The following DNAI1 variants were observed in gnomAD, a reference collection of about 807,000 sequenced individuals.
DNAI1 encodes the protein dynein axonemal intermediate chain 1.
DNAI1 carries 67 observed loss-of-function variants against 92.0 expected under a neutral mutation model. That is an observed-to-expected ratio of 0.73 (90% CI 0.60 to 0.89). The LOEUF (loss-of-function observed/expected upper bound fraction) is 0.89, where lower values mean the gene tolerates loss of function less well. DNAI1 is among the 40% of genes least tolerant of loss of function. The pLI is 0.00. For synonymous variants in DNAI1, 323 were observed against 319.6 expected (o/e 1.01, Z -0.11); for missense variants, 839 against 866.6 (o/e 0.97, Z 0.40).
At position 34,506,718 on chromosome 9, in the gene DNAI1, C is replaced by T. The variant is rs549401132; in HGVS notation, c.1155C>T (p.Gly385=). The T allele has an allele frequency of 1.6e-5, 26 of 1,614,188 alleles. No individual in the cohort carries two copies. In the South Asian group the frequency reaches 1.6e-4, roughly 10 times the overall value. Residue 385 remains glycine, a synonymous_variant, in exon 13 of 20, where the codon GGC becomes GGT. Coordinates refer to ENST00000242317, the MANE Select transcript of DNAI1 (RefSeq NM_012144.4). ...AGTACATGTTCAGCAGCAACAGCGG[C>T]GTCATGTGTCTCGACATCCACGTGG... is the stretch of plus-strand genomic sequence containing the variant. The part of the protein sequence containing the change: ...FPEYMFSSNS[G]VMCLDIHVDH...
chr9:34,493,969 A>G (rs1197403883), intron 9 of DNAI1, among the ~76,000 whole-genome samples: 11 of 152,168 alleles, frequency 7.2e-5, no homozygotes, highest in Admixed American at 7.2e-4. Flanking sequence ...ATGCAACTAT[A>G]GGGAGTCACT....
At chr9:34,508,349 G>C (rs986650692) in intron 13 of DNAI1, among the ~76,000 whole-genome samples, 1 of 152,146 alleles carries the variant, frequency 6.6e-6, no homozygotes, top group African/African-American at 2.4e-5. Context: ...GGGGCAGAGG[G>C]TGGGAGGGAG....
intron 1 of DNAI1, among the ~76,000 whole-genome samples, chr9:34,483,233 A>C (rs1438289793): frequency 3.2e-4 from 49 of 152,322 alleles, no homozygotes; most frequent in Admixed American, 3.1e-3. Flanking sequence ...CCCACAGTGC[A>C]GTGGGGGGCT....
chr9:34,507,132 A>C (rs1824950986), intron 13 of DNAI1, among the ~76,000 whole-genome samples: 1 of 152,178 alleles, frequency 6.6e-6, no homozygotes, highest in Non-Finnish European at 1.5e-5. Flanking sequence ...AAGATCTCTT[A>C]GATGTGGCGA....
intron 13 of DNAI1, among the ~76,000 whole-genome samples, chr9:34,508,387 C>T (rs945849860): frequency 5.3e-5 from 8 of 152,148 alleles, no homozygotes; most frequent in Admixed American, 2.0e-4. Flanking sequence ...ACGCCCTCCC[C>T]GGCTACTCTC....
intron 12 of DNAI1, among the ~76,000 whole-genome samples, chr9:34,502,594 G>A (rs1393595874): frequency 1.3e-5 from 2 of 152,136 alleles, no homozygotes; most frequent in African/African-American, 2.4e-5. Context: ...GGAGGCTGTC[G>A]TGGGGGCTGG....
intron 2 of DNAI1, among the ~76,000 whole-genome samples, chr9:34,484,218 T>TAAATAAATAA (rs536445094): frequency 6.6e-6 from 1 of 152,096 alleles, no homozygotes; most frequent in Non-Finnish European, 1.5e-5. Flanking sequence ...CCATCTCAAA[T>TAAATAAATAA]AAATAAATAA....
Position 34,459,059 on chromosome 9 carries a change from G to C in DNAI1, c.48+6G>C, listed in dbSNP as rs962155265. ...ATAAACAGCCTCATAAGCAGGTAAC[G>C]TACGCACACCTTCCTTCTGATGACC... On this transcript the variant is annotated splice_donor_region_variant and intron_variant, in intron 1 of 19. Transcript: ENST00000242317. 4 of 1,613,668 alleles carry C rather than the reference G, an allele frequency of 2.5e-6. No individual in the cohort carries two copies. In the African/African-American group the frequency reaches 5.3e-5, roughly 22 times the overall value.
At chr9:34,475,956 G>A (rs1824228636) in intron 1 of DNAI1, among the ~76,000 whole-genome samples, 1 of 152,108 alleles carries the variant, frequency 6.6e-6, no homozygotes, top group African/African-American at 2.4e-5. Context: ...AACCAAAACA[G>A]GTCTAAATGC....
intron 4 of DNAI1, among the ~76,000 whole-genome samples, chr9:34,486,104 T>G (rs1824464856): frequency 6.6e-6 from 1 of 152,224 alleles, no homozygotes; most frequent in African/African-American, 2.4e-5. Context: ...AATACTCTTT[T>G]CACTCATAGC....
In DNAI1 at chr9:34,506,890, G is replaced by A; in HGVS notation, c.1311+16G>A. The A allele has an allele frequency of 1.2e-6, 2 of 1,611,442 alleles. No homozygotes were observed. Among genetic ancestry groups the A allele is most frequent in the Non-Finnish European group, 1.7e-6 (2 of 1,178,884 alleles). On this transcript the variant is annotated intron_variant, in intron 13 of 19. Transcript: ENST00000242317. ...TGTGTGGCAGGTCAGCAACCAGGCT[G>A]GGAGGGGTGGGGATGGGAGCAGCAT...
intron 18 of DNAI1, 48 bp from the exon 19 acceptor site, chr9:34,517,237 A>G (rs1414925691): frequency 1.3e-6 from 2 of 1,598,426 alleles, no homozygotes; most frequent in Non-Finnish European, 1.7e-6. Context: ...CTGAGGTGGA[A>G]GACAGGCCTC....
At chr9:34,497,227 A>G in intron 10 of DNAI1, 28 bp downstream of exon 10, 1 of 1,553,372 alleles carries the variant, frequency 6.4e-7, no homozygotes, top group Non-Finnish European at 8.9e-7. Flanking sequence ...GGCAACCACT[A>G]TTATTGCCTG....
chr9:34,517,536 G>A (rs1237267801), intron 19 of DNAI1, 69 bp downstream of exon 19: 24 of 1,594,242 alleles, frequency 1.5e-5, no homozygotes, highest in Non-Finnish European at 1.9e-5. Flanking sequence ...TGACAGAAGG[G>A]AGAAGCCAGG....
At position 34,462,057 on chromosome 9, in the gene DNAI1, C is replaced by T. The variant is rs115773164; in HGVS notation, c.48+3004C>T. Among the ~76,000 whole-genome samples the T allele has an allele frequency of 3.9e-3, 592 of 152,216 alleles. 3 individuals are homozygous for T. Among genetic ancestry groups the T allele is most frequent in the African/African-American group, 0.013 (544 of 41,520 alleles). On this transcript the variant is annotated intron_variant, in intron 1 of 19. Transcript: ENST00000242317. ...TAGAGGATAGAGAGGAGTTTAAATT[C>T]CATTTGTTCATATCACTCCACTAGT...
chr9:34,512,533 GC>G, intron 15 of DNAI1, 109 bp downstream of exon 15: 1 of 1,086,588 alleles, frequency 9.2e-7, no homozygotes, highest in Non-Finnish European at 1.4e-6. Context: ...CCCAACCTGT[GC>G]CAGGGCCTGA....
rs2132077044 is a variant in DNAI1, at chr9:34,506,875, G to C, written c.1311+1G>C. 6.2e-7 allele frequency: 1 copy of C among 1,613,720 alleles called. No individual in the cohort carries two copies. Among genetic ancestry groups the C allele is most frequent in the Non-Finnish European group, 8.5e-7 (1 of 1,179,886 alleles). ...CAAGCACTCAGACCCTGTGTGGCAGGTCAGCAACCAGGCTGGGAGGGGTGG... is the reference window on the plus strand; with the variant it reads ...CAAGCACTCAGACCCTGTGTGGCAGCTCAGCAACCAGGCTGGGAGGGGTGG... On this transcript the variant is annotated splice_donor_variant, in intron 13 of 19. Transcript: ENST00000242317. LOFTEE classifies it high-confidence loss of function.
At chr9:34,465,316 G>A (rs1824017129) in intron 1 of DNAI1, among the ~76,000 whole-genome samples, 1 of 152,196 alleles carries the variant, frequency 6.6e-6, no homozygotes, top group South Asian at 2.1e-4. Context: ...AAGTCTCTGA[G>A]GAGATGATGT....
In DNAI1 at chr9:34,489,377, C is replaced by G. The variant is rs777327015; in HGVS notation, c.316C>G (p.Gln106Glu). ...GAACCAACTGGCAGTTCACTACACC[C>G]AGGTTGGGAACCTGATCCCCAAAGA... is the stretch of plus-strand genomic sequence containing the variant. ...FVNQLAVHYTQVGNLIPKDSD... is the reference protein window; with the variant it reads ...FVNQLAVHYTEVGNLIPKDSD... Residue 106 changes from glutamine to glutamate, a missense_variant, in exon 5 of 20, where the codon CAG becomes GAG. Physicochemically the swap from Gln to Glu is conservative, Grantham distance 29 (BLOSUM62 2). Transcript: ENST00000242317. The G allele has an allele frequency of 1.2e-6, 2 of 1,614,080 alleles. No individual in the cohort carries two copies. Among genetic ancestry groups the G allele is most frequent in the Admixed American group, 1.7e-5 (1 of 60,022 alleles).
Sources: gnomAD v4.1 joint callset for allele counts (sites outside exome capture counted in the v4.1 genomes callset) on GRCh38, gnomAD v4.1.1 for gene constraint, MANE v1.5 for transcripts, NCBI Gene and HGNC (gene_info 2026-07-23, HGNC 2026-07-21) for gene names.